MLLT10: variants seen among roughly 807,000 people sequenced by gnomAD.
The protein encoded by MLLT10 is MLLT10 histone lysine methyltransferase DOT1L cofactor, also known as protein AF-10.
MLLT10 carries 30 observed loss-of-function variants against 129.1 expected under a neutral mutation model. The observed-to-expected ratio is 0.23, with a 90% CI of 0.17 to 0.32. The LOEUF (loss-of-function observed/expected upper bound fraction) is 0.32. MLLT10 is among the 10% of genes least tolerant of loss of function. MLLT10 has a pLI of 1.00. For missense variants in MLLT10, 1,119 were observed against 1,268.3 expected, an observed-to-expected ratio of 0.88 and a Z score of 1.79; for synonymous variants, 490 against 446.4, an observed-to-expected ratio of 1.10 and a Z score of -1.23.
chr10:21,677,374 T>C (rs1221902505), intron 11 of MLLT10, among the ~76,000 whole-genome samples: 1 of 152,090 alleles, frequency 6.6e-6, no homozygotes, highest in Non-Finnish European at 1.5e-5. Flanking sequence ...AAGGAGAAAA[T>C]GTATACAGTC....
At chr10:21,692,089 G>C (rs1241077701) in intron 13 of MLLT10, among the ~76,000 whole-genome samples, 1 of 151,358 alleles carries the variant, frequency 6.6e-6, no homozygotes. Flanking sequence ...CATGGGAATC[G>C]CTTGAACTTG....
chr10:21,599,035 C>T (rs768209334), intron 5 of MLLT10, among the ~76,000 whole-genome samples: 47 of 151,804 alleles, frequency 3.1e-4, no homozygotes, highest in Non-Finnish European at 5.2e-4. Context: ...AAAAATTAGC[C>T]GGGTGTAGTA....
At chr10:21,643,272 A>G (rs1329137679) in intron 8 of MLLT10, among the ~76,000 whole-genome samples, 2 of 152,158 alleles carry the variant, frequency 1.3e-5, no homozygotes, top group Non-Finnish European at 2.9e-5. Flanking sequence ...ACCTCAAGTA[A>G]TCTGCCCACC....
At chr10:21,565,506 A>T (rs1318601007) in intron 3 of MLLT10, among the ~76,000 whole-genome samples, 1 of 151,160 alleles carries the variant, frequency 6.6e-6, no homozygotes. Context: ...ACGGGGTTTC[A>T]CTGTGTTGAC....
At chr10:21,653,431 G>A (rs1329161832) in intron 9 of MLLT10, among the ~76,000 whole-genome samples, 3 of 152,144 alleles carry the variant, frequency 2.0e-5, no homozygotes, top group Non-Finnish European at 4.4e-5. Flanking sequence ...GCCATTGTCA[G>A]ATGATCCCCT....
intron 12 of MLLT10, 74 bp from the exon 13 acceptor site, chr10:21,682,151 G>C (rs985574436): frequency 1.6e-6 from 2 of 1,222,620 alleles, no homozygotes; most frequent in Non-Finnish European, 2.4e-6. Flanking sequence ...TACTAATTCA[G>C]TGTATGGCTA....
intron 3 of MLLT10, among the ~76,000 whole-genome samples, chr10:21,542,523 T>A (rs1415675428): frequency 6.6e-6 from 1 of 152,194 alleles, no homozygotes; most frequent in African/African-American, 2.4e-5. Flanking sequence ...TGAGCTGAGA[T>A]CGTGCCATTG....
At chr10:21,725,084 C>G (rs1328931370) in intron 14 of MLLT10, among the ~76,000 whole-genome samples, 1 of 152,214 alleles carries the variant, frequency 6.6e-6, no homozygotes, top group East Asian at 1.9e-4. Context: ...ACAGAAAAAG[C>G]AGCAGGCTTC....
chr10:21,613,919 AAAAC>A (rs1034795124), intron 6 of MLLT10, among the ~76,000 whole-genome samples: 7 of 151,800 alleles, frequency 4.6e-5, no homozygotes, highest in African/African-American at 1.2e-4. Flanking sequence ...AAAAAAACAA[AAAAC>A]AAACAAAACG....
chr10:21,591,591 G>A (rs758424089), intron 4 of MLLT10, among the ~76,000 whole-genome samples: 2 of 151,876 alleles, frequency 1.3e-5, no homozygotes, highest in East Asian at 1.9e-4. Flanking sequence ...ATATTAAATT[G>A]CCTTAAATTG....
chr10:21,682,258 G>A lies in MLLT10; in HGVS notation c.1699+1G>A. ...GAGTTGCTGAATGCAATACACAACG[G>A]TAAGTTTTATTAGAATCTTCTCTAG... is the stretch of plus-strand genomic sequence containing the variant. On this transcript the variant is annotated splice_donor_variant, in intron 13 of 22. Coordinates refer to ENST00000307729, the MANE Select transcript of MLLT10 (RefSeq NM_001195626.3). LOFTEE classifies it high-confidence loss of function. The A allele has an allele frequency of 6.2e-7, 1 of 1,609,348 alleles. No individual in the cohort carries two copies. Among genetic ancestry groups the A allele is most frequent in the Non-Finnish European group, 8.5e-7 (1 of 1,178,304 alleles).
At chr10:21,622,980 T>A (rs540256053) in intron 8 of MLLT10, among the ~76,000 whole-genome samples, 1 of 152,286 alleles carries the variant, frequency 6.6e-6, no homozygotes, top group East Asian at 1.9e-4. Flanking sequence ...AGAACACTAT[T>A]TTTTATTACT....
intron 5 of MLLT10, among the ~76,000 whole-genome samples, chr10:21,607,084 T>G (rs1488528456): frequency 6.6e-6 from 1 of 152,072 alleles, no homozygotes; most frequent in Non-Finnish European, 1.5e-5. Flanking sequence ...TAGCAAGACC[T>G]TGTCTCTACT....
chr10:21,689,416 C>T (rs1430464390), intron 13 of MLLT10, among the ~76,000 whole-genome samples: 1 of 151,138 alleles, frequency 6.6e-6, no homozygotes, highest in Non-Finnish European at 1.5e-5. Context: ...AACGTTTGAC[C>T]TGATACTTAA....
intron 21 of MLLT10, among the ~76,000 whole-genome samples, chr10:21,737,986 C>T (rs577284603): frequency 5.9e-5 from 9 of 152,162 alleles, no homozygotes; most frequent in African/African-American, 2.2e-4. Flanking sequence ...TTCTTAAATG[C>T]TGGCCGGGCG....
In MLLT10 at chr10:21,534,314, T is replaced by A. The variant is rs7082271; in HGVS notation, c.-207T>A. On this transcript the variant is annotated 5_prime_UTR_variant, in exon 1 of 23. Coordinates refer to ENST00000307729, the MANE Select transcript of MLLT10 (RefSeq NM_001195626.3). The stretch of plus-strand genomic sequence containing the variant: ...CCCCTGGCCCAGCGGGAGCCCCCCC[T>A]CCCCCCAGTGCGCCTGTGCGGAGGC... The A allele has an allele frequency of 1.6e-5, 5 of 312,766 alleles. No individual in the cohort carries two copies. The highest frequency in any genetic ancestry group is 2.9e-5 in the Non-Finnish European group (5 of 169,896). 19.4% of individuals were successfully genotyped at this position (312,766 alleles called of 1,614,324 possible).
At chr10:21,584,536 ACTC>A (rs1290481709) in intron 3 of MLLT10, among the ~76,000 whole-genome samples, 1 of 151,356 alleles carries the variant, frequency 6.6e-6, no homozygotes, top group Non-Finnish European at 1.5e-5. Context: ...CTGGTCTCGA[ACTC>A]CTGACCTCAA....
At chr10:21,582,166 C>T (rs1257075386) in intron 3 of MLLT10, among the ~76,000 whole-genome samples, 1 of 151,454 alleles carries the variant, frequency 6.6e-6, no homozygotes, top group Non-Finnish European at 1.5e-5. Flanking sequence ...CTCTGTTGCC[C>T]AGGCTGGAGT....
intron 8 of MLLT10, among the ~76,000 whole-genome samples, chr10:21,631,752 G>A (rs947572960): frequency 6.6e-6 from 1 of 152,074 alleles, no homozygotes; most frequent in African/African-American, 2.4e-5. Context: ...ACAGCAAGGG[G>A]GAAGTCTGCC....
Sources: gnomAD v4.1 joint callset for allele counts (sites outside exome capture counted in the v4.1 genomes callset) on GRCh38, gnomAD v4.1.1 for gene constraint, MANE v1.5 for transcripts, NCBI Gene and HGNC (gene_info 2026-07-23, HGNC 2026-07-21) for gene names.